DCAF6: variants seen among roughly 807,000 people sequenced by gnomAD.
DCAF6 encodes the protein DDB1 and CUL4 associated factor 6, also known as DDB1- and CUL4-associated factor 6.
Under a neutral mutation model 125.1 loss-of-function variants are expected in DCAF6, and 54 were observed. The ratio of observed to expected loss-of-function variants is 0.43; its 90% confidence interval spans 0.35 to 0.54. The LOEUF (loss-of-function observed/expected upper bound fraction) is 0.54, where lower values mean the gene tolerates loss of function less well. Among genes scored for constraint, DCAF6 ranks in the 20% least tolerant of loss-of-function variants. The pLI is 0.01. For synonymous variants in DCAF6, 371 were observed against 390.4 expected (o/e 0.95, Z 0.58); for missense variants, 934 against 1,161.7 (o/e 0.80, Z 2.85).
intron 11 of DCAF6, among the ~76,000 whole-genome samples, chr1:168,022,687 C>G (rs954938449): frequency 3.3e-5 from 5 of 152,116 alleles, no homozygotes; most frequent in Admixed American, 3.3e-4. Context: ...GAACTAGATA[C>G]CCCATTTCTA....
At chr1:167,932,802 C>CT (rs1258936130), upstream of DCAF6, among the ~76,000 whole-genome samples, 5 of 129,974 alleles carry the variant, frequency 3.8e-5, no homozygotes, top group Non-Finnish European at 3.1e-5. Context: ...GAGCAAGACT[C>CT]TGTCTCAAAA....
At chr1:168,055,154 C>A (rs1373083664) in intron 17 of DCAF6, among the ~76,000 whole-genome samples, 1 of 151,362 alleles carries the variant, frequency 6.6e-6, no homozygotes, top group African/African-American at 2.4e-5. Context: ...TAACACATAC[C>A]CACAGTAACT....
chr1:167,966,541 A>C, intron 2 of DCAF6, 88 bp from the exon 3 acceptor site: 2 of 835,490 alleles, frequency 2.4e-6, no homozygotes, highest in Non-Finnish European at 4.1e-6. Context: ...CATTAGTGGT[A>C]AAAATTTTGT....
chr1:168,007,962 C>CT (rs35185748), intron 10 of DCAF6, among the ~76,000 whole-genome samples: 53,034 of 67,362 alleles, frequency 0.79, 23,044 homozygotes, highest in East Asian at 0.88. Context: ...TGTTGTACAT[C>CT]TTTTTTTTTT....
the DCAF6 span, chr1:167,920,002 GGCTCCT>G: frequency 6.2e-7 from 1 of 1,612,508 alleles, no homozygotes; most frequent in Admixed American, 1.7e-5. Context: ...AAAGCTGAGA[GGCTCCT>G]GCTGCCCCCA....
At chr1:168,030,634 G>A (rs1210875043) in intron 12 of DCAF6, among the ~76,000 whole-genome samples, 2 of 152,194 alleles carry the variant, frequency 1.3e-5, no homozygotes, top group African/African-American at 2.4e-5. Context: ...GAATAAACAG[G>A]ACTTGGTGGT....
intron 19 of DCAF6, 118 bp downstream of exon 19, chr1:168,065,864 C>G (rs1219098790): frequency 1.0e-6 from 1 of 967,870 alleles, no homozygotes; most frequent in Non-Finnish European, 1.5e-6. Flanking sequence ...TCTGACTAGG[C>G]AGCAGTAGAG....
intron 21 of DCAF6, among the ~76,000 whole-genome samples, chr1:168,075,071 T>C (rs1412437965): frequency 6.6e-6 from 1 of 152,216 alleles, no homozygotes; most frequent in Non-Finnish European, 1.5e-5. Flanking sequence ...CAGCACCTGA[T>C]GTACCTCCTT....
chr1:168,031,966 A>G lies in DCAF6; in HGVS notation c.1610-6405A>G, dbSNP rs146738889. On this transcript the variant is annotated intron_variant, in intron 12 of 21. Coordinates refer to ENST00000367840, the MANE Select transcript of DCAF6 (RefSeq NM_001198956.2). ...ACATTTCAACCCATAAATTCTAAAT[A>G]CTGGTAGGAATGTGGAACCAAGCAC... Among the ~76,000 whole-genome samples, 700 of 152,240 alleles carry G rather than the reference A, an allele frequency of 4.6e-3. 5 individuals are homozygous for G. The highest frequency in any genetic ancestry group is 0.015 in the South Asian group (71 of 4,828).
intron 21 of DCAF6, 131 bp from the exon 22 acceptor site, chr1:168,075,240 G>T: frequency 5.7e-6 from 4 of 701,342 alleles, no homozygotes; most frequent in Non-Finnish European, 9.2e-6. Context: ...TCTTTTATTT[G>T]CCTCTAAAGA....
At chr1:167,886,511 C>A in the DCAF6 span, among the ~76,000 whole-genome samples, 1 of 152,176 alleles carries the variant, frequency 6.6e-6, no homozygotes, top group Non-Finnish European at 1.5e-5. Flanking sequence ...AAAGCTGAAA[C>A]TGGATCCCTT....
chr1:167,876,030 G>T, the DCAF6 span, among the ~76,000 whole-genome samples: 6,355 of 152,204 alleles, frequency 0.042, 383 homozygotes, highest in African/African-American at 0.14. Flanking sequence ...GCCGAGGCAG[G>T]TGGATCATCT....
upstream of DCAF6, chr1:167,935,879 G>A: frequency 1.4e-6 from 2 of 1,474,380 alleles, no homozygotes; most frequent in Non-Finnish European, 1.9e-6. Flanking sequence ...GTGGGAGCGT[G>A]GCTGTGTTCT....
chr1:167,978,959 G>A (rs997678944), intron 4 of DCAF6, among the ~76,000 whole-genome samples: 1 of 152,064 alleles, frequency 6.6e-6, no homozygotes, highest in African/African-American at 2.4e-5. Flanking sequence ...TTTTGATGAA[G>A]AAAAGTATTT....
At chr1:168,013,581 C>G (rs139515957) in intron 10 of DCAF6, among the ~76,000 whole-genome samples, 1 of 152,252 alleles carries the variant, frequency 6.6e-6, no homozygotes, top group Non-Finnish European at 1.5e-5. Context: ...AATTCCTCCT[C>G]TGATACACTG....
At chr1:167,925,093 C>T in the DCAF6 span, among the ~76,000 whole-genome samples, 1 of 152,140 alleles carries the variant, frequency 6.6e-6, no homozygotes, top group Non-Finnish European at 1.5e-5. Flanking sequence ...GGTAATGCTA[C>T]ACATTCTGTC....
chr1:168,005,431 T>C (rs1683214679), intron 10 of DCAF6, among the ~76,000 whole-genome samples: 1 of 152,134 alleles, frequency 6.6e-6, no homozygotes, highest in Non-Finnish European at 1.5e-5. Flanking sequence ...TCAACTTTTT[T>C]CCCCTAACTA....
chr1:167,975,109 G>C, intron 4 of DCAF6, 94 bp downstream of exon 4: 4 of 702,794 alleles, frequency 5.7e-6, no homozygotes, highest in Middle Eastern at 4.3e-4. Flanking sequence ...TACATGTACA[G>C]ATGTGTGTGT....
At chr1:167,904,346 A>G in the DCAF6 span, among the ~76,000 whole-genome samples, 1 of 151,978 alleles carries the variant, frequency 6.6e-6, no homozygotes, top group African/African-American at 2.4e-5. Context: ...TCGGCCTCCA[A>G]AAGTGTTGGG....
Sources: allele counts gnomAD v4.1 joint callset (sites outside exome capture counted in the v4.1 genomes callset), GRCh38; gene constraint gnomAD v4.1.1; transcripts MANE v1.5; gene names NCBI Gene and HGNC (gene_info 2026-07-23, HGNC 2026-07-21).